Variants in DAB1 observed in about 807,000 individuals in gnomAD.
DAB1 encodes the protein DAB adaptor protein 1.
Under a neutral mutation model 64.6 loss-of-function variants are expected in DAB1, and 15 were observed. That is an observed-to-expected ratio of 0.23 (90% CI 0.16 to 0.36). The LOEUF (loss-of-function observed/expected upper bound fraction) is 0.36, where lower values mean the gene tolerates loss of function less well. Ranked by LOEUF, DAB1 falls within the 10% of genes least tolerant of loss-of-function variation. The pLI is 1.00. For missense variants in DAB1, 596 were observed against 706.7 expected, an observed-to-expected ratio of 0.84 and a Z score of 1.78; for synonymous variants, 235 against 251.9, an observed-to-expected ratio of 0.93 and a Z score of 0.64.
intron 2 of DAB1, among the ~76,000 whole-genome samples, chr1:57,182,720 C>T (rs1046781165): frequency 1.8e-4 from 28 of 151,984 alleles, no homozygotes; most frequent in Non-Finnish European, 7.4e-5. Flanking sequence ...GGCAGGGGGA[C>T]AGCTGAGATG....
At position 57,805,811 on chromosome 1, in the gene DAB1, G is replaced by A. The variant is rs555479294; in HGVS notation, n.551+78188C>T. Among the ~76,000 whole-genome samples the A allele has an allele frequency of 7.2e-5, 11 of 152,086 alleles. No homozygotes were observed. The South Asian group carries it at 2.3e-3, about 32-fold the overall frequency. ...ACCCTGAAATCCTCCTTTATGCTTA[G>A]TCCCTCATCTGATTCATCAACTAAT... is the stretch of plus-strand genomic sequence containing the variant. On this transcript the variant is annotated intron_variant and non_coding_transcript_variant, in intron 6 of 20. Transcript: ENST00000485760.
chr1:58,127,684 C>A (rs1307656947), intron 5 of DAB1, among the ~76,000 whole-genome samples: 3 of 152,170 alleles, frequency 2.0e-5, no homozygotes. Context: ...ATATGGCTAG[C>A]CAGTTTTCCC....
chr1:57,154,573 C>A (rs1020086018), intron 2 of DAB1, among the ~76,000 whole-genome samples: 10 of 152,278 alleles, frequency 6.6e-5, no homozygotes, highest in Admixed American at 1.3e-4. Context: ...AGTGGGATTG[C>A]TAGATCATAT....
intron 2 of DAB1, among the ~76,000 whole-genome samples, chr1:57,271,058 G>C (rs113906225): frequency 6.6e-6 from 1 of 152,182 alleles, no homozygotes; most frequent in African/African-American, 2.4e-5. Context: ...AAATGCCTCT[G>C]TAAGCCTTTC....
intron 3 of DAB1, among the ~76,000 whole-genome samples, chr1:58,361,173 C>T (rs970121570): frequency 6.6e-6 from 1 of 152,216 alleles, no homozygotes; most frequent in African/African-American, 2.4e-5. Context: ...CCATGGGCCC[C>T]TGCAGCAGAC....
At chr1:57,765,112 G>A (rs1460147982) in intron 6 of DAB1, among the ~76,000 whole-genome samples, 1 of 152,150 alleles carries the variant, frequency 6.6e-6, no homozygotes, top group African/African-American at 2.4e-5. Context: ...CAGACATTCA[G>A]AGGATGCTAC....
chr1:58,428,172 C>T (rs1387227351), intron 3 of DAB1, among the ~76,000 whole-genome samples: 1 of 152,194 alleles, frequency 6.6e-6, no homozygotes, highest in South Asian at 2.1e-4. Flanking sequence ...ATTTTGTTAA[C>T]CCCTGATGAA....
At position 57,151,807 on chromosome 1, in the gene DAB1, A is replaced by ATTTT. The variant is rs34012935; in HGVS notation, c.68-6382_68-6379dup. Among the ~76,000 whole-genome samples the ATTTT allele has an allele frequency of 4.9e-3, 518 of 106,220 alleles. 10 individuals carry two copies. Among genetic ancestry groups the ATTTT allele is most frequent in the African/African-American group, 0.018 (459 of 25,968 alleles). 69.7% of individuals were successfully genotyped at this position (106,220 alleles called of 152,430 possible). ...CTGAAAATTTCTTTTCTAATGTTTA[A>ATTTT]TTTTTTTTTTTTTTTTTTTTTTTTG... On this transcript the variant is annotated intron_variant, in intron 2 of 14. Transcript: ENST00000371236.
intron 3 of DAB1, among the ~76,000 whole-genome samples, chr1:57,136,926 TG>T (rs1372781364): frequency 1.3e-5 from 2 of 152,162 alleles, no homozygotes; most frequent in East Asian, 3.9e-4. Flanking sequence ...AGCTCAGAAT[TG>T]GGGGTCCCAA....
intron 4 of DAB1, among the ~76,000 whole-genome samples, chr1:58,151,445 G>A (rs1041366357): frequency 6.6e-5 from 10 of 152,220 alleles, no homozygotes; most frequent in African/African-American, 2.4e-4. Context: ...GATGGCCAGT[G>A]ATGAGAGCAT....
intron 5 of DAB1, among the ~76,000 whole-genome samples, chr1:57,928,520 A>G (rs184120858): frequency 6.6e-6 from 1 of 152,282 alleles, no homozygotes; most frequent in Non-Finnish European, 1.5e-5. Flanking sequence ...ATGGGTTTTG[A>G]TGAATGCATA....
At position 58,244,920 on chromosome 1, in the gene DAB1, T is replaced by C. The variant is rs72910463; in HGVS notation, n.310-94332A>G. ...CCACTACCTACCCAGAGGCAGATGC[T>C]ATCAAAGTCAAGCTCTGGAGGCCTC... On this transcript the variant is annotated intron_variant and non_coding_transcript_variant, in intron 4 of 20. Coordinates refer to the DAB1 transcript ENST00000485760. 7.8e-3 allele frequency among the ~76,000 whole-genome samples: 1,180 copies of C among 152,232 alleles called. 16 individuals are homozygous for C. Among genetic ancestry groups the C allele is most frequent in the African/African-American group, 0.026 (1,089 of 41,524 alleles).
chr1:58,136,162 A>G (rs1653931754), intron 5 of DAB1, among the ~76,000 whole-genome samples: 1 of 152,202 alleles, frequency 6.6e-6, no homozygotes, highest in South Asian at 2.1e-4. Context: ...GTCATCTGAA[A>G]CTAAAGGTCC....
chr1:58,120,396 T>C (rs990866823), intron 5 of DAB1, among the ~76,000 whole-genome samples: 2 of 152,098 alleles, frequency 1.3e-5, no homozygotes, highest in African/African-American at 4.8e-5. Flanking sequence ...AGAGAAAGCA[T>C]GAGTTTGGAA....
At chr1:58,274,810 A>G (rs967674807) in intron 4 of DAB1, among the ~76,000 whole-genome samples, 3 of 151,798 alleles carry the variant, frequency 2.0e-5, no homozygotes, top group Non-Finnish European at 4.4e-5. Context: ...CGGAAAGGGA[A>G]CTCCCTGACC....
chr1:57,172,193 A>C (rs1300760665), intron 2 of DAB1, among the ~76,000 whole-genome samples: 1 of 152,160 alleles, frequency 6.6e-6, no homozygotes, highest in East Asian at 1.9e-4. Context: ...TAGTGAAGTC[A>C]CTATGACCTC....
At chr1:57,534,135 A>G (rs1256835033) in intron 7 of DAB1, among the ~76,000 whole-genome samples, 2 of 152,176 alleles carry the variant, frequency 1.3e-5, no homozygotes, top group African/African-American at 2.4e-5. Flanking sequence ...GGGTAATATA[A>G]TCATCCAGGA....
intron 3 of DAB1, among the ~76,000 whole-genome samples, chr1:58,489,624 G>C (rs1407989398): frequency 6.6e-6 from 1 of 152,198 alleles, no homozygotes; most frequent in Non-Finnish European, 1.5e-5. Context: ...CTTGAGATCT[G>C]AGAACAGACA....
At chr1:57,908,267 C>G (rs1372806515) in intron 5 of DAB1, among the ~76,000 whole-genome samples, 1 of 152,116 alleles carries the variant, frequency 6.6e-6, no homozygotes, top group Non-Finnish European at 1.5e-5. Flanking sequence ...CTCCACCCTC[C>G]TGCCTTTGGC....
Sources: allele counts gnomAD v4.1 joint callset (sites outside exome capture counted in the v4.1 genomes callset), GRCh38; gene constraint gnomAD v4.1.1; transcripts MANE v1.5; gene names NCBI Gene and HGNC (gene_info 2026-07-23, HGNC 2026-07-21).